CIB4: variants seen among roughly 807,000 people sequenced by gnomAD.
CIB4 encodes the protein calcium and integrin-binding family member 4.
A neutral mutation model predicts 25.8 loss-of-function variants in CIB4; 25 were observed. That is an observed-to-expected ratio of 0.97 (90% CI 0.71 to 1.35). The LOEUF (loss-of-function observed/expected upper bound fraction) is 1.35. Ranked by LOEUF, CIB4 falls within the 40% of genes most tolerant of loss-of-function variation. The pLI, the probability that CIB4 is intolerant of heterozygous loss-of-function variation, is 0.00. For synonymous variants in CIB4, 75 were observed against 81.4 expected (o/e 0.92, Z 0.42); for missense variants, 235 against 228.2 (o/e 1.03, Z -0.19).
chr2:26,608,444 G>A (rs562175974), intron 3 of CIB4, among the ~76,000 whole-genome samples: 2 of 152,226 alleles, frequency 1.3e-5, no homozygotes, highest in African/African-American at 2.4e-5. Flanking sequence ...TAGACTTTCC[G>A]AGTCAGCACC....
intron 3 of CIB4, among the ~76,000 whole-genome samples, chr2:26,600,896 T>C (rs1430745951): frequency 1.3e-5 from 2 of 151,946 alleles, no homozygotes; most frequent in African/African-American, 4.8e-5. Context: ...GCCAAGTTAA[T>C]CCTAAAGAAC....
chr2:26,591,486 C>G (rs1432490470), intron 4 of CIB4, among the ~76,000 whole-genome samples: 1 of 152,206 alleles, frequency 6.6e-6, no homozygotes, highest in Admixed American at 6.5e-5. Context: ...CTTCCTGACT[C>G]TCATCCAGCT....
intron 3 of CIB4, among the ~76,000 whole-genome samples, chr2:26,604,045 C>G (rs564873106): frequency 6.7e-6 from 1 of 148,362 alleles, no homozygotes; most frequent in South Asian, 2.2e-4. Flanking sequence ...AAAACTACAT[C>G]AATGCACAGC....
At chr2:26,592,550 G>T (rs1462013451) in intron 4 of CIB4, among the ~76,000 whole-genome samples, 1 of 151,978 alleles carries the variant, frequency 6.6e-6, no homozygotes, top group Non-Finnish European at 1.5e-5. Context: ...TTCTGCACCG[G>T]TCACTCTCTC....
rs1184325583 is a variant in CIB4 at position 26,589,072 on chromosome 2, C to CTCTTCTTCT, written c.329-5183_329-5175dup. ...CTTCTTCTTCTTCCTCTTCCTCTTC[C>CTCTTCTTCT]TCTTCTTCTTCTTCTTCTTCTTCTT... is the stretch of plus-strand genomic sequence containing the variant. On this transcript the variant is annotated intron_variant, in intron 4 of 6. Coordinates refer to ENST00000288861, the MANE Select transcript of CIB4 (RefSeq NM_001029881.3). Among the ~76,000 whole-genome samples, 4 of 40,796 alleles carry CTCTTCTTCT rather than the reference C, an allele frequency of 9.8e-5. 2 individuals are homozygous for CTCTTCTTCT. Among genetic ancestry groups the CTCTTCTTCT allele is most frequent in the African/African-American group, 5.5e-4 (4 of 7,228 alleles). 26.8% of individuals were successfully genotyped at this position (40,796 alleles called of 152,430 possible). A position where few individuals can be genotyped will look rare whatever the true frequency, so the allele number is the denominator to read the frequency against.
intron 3 of CIB4, among the ~76,000 whole-genome samples, chr2:26,610,209 T>G: frequency 6.6e-6 from 1 of 151,696 alleles, no homozygotes; most frequent in South Asian, 2.1e-4. Context: ...ATGTTCCCTG[T>G]GAACTCTGCA....
rs150739227 is a variant in CIB4 at position 26,615,617 on chromosome 2, C to T, written c.186+13793G>A. The stretch of plus-strand genomic sequence containing the variant: ...CCAACTTCCCAGGCTTTCCTCGCTA[C>T]CTTCCTCACCTGTGGGAGGTGCTAT... On this transcript the variant is annotated intron_variant, in intron 3 of 6. Transcript: ENST00000288861. Among the ~76,000 whole-genome samples the T allele has an allele frequency of 6.5e-3, 997 of 152,320 alleles. 14 individuals are homozygous for T. Among genetic ancestry groups the T allele is most frequent in the African/African-American group, 0.022 (896 of 41,568 alleles).
At chr2:26,615,737 G>T (rs1196552382) in intron 3 of CIB4, among the ~76,000 whole-genome samples, 1 of 152,262 alleles carries the variant, frequency 6.6e-6, no homozygotes, top group Non-Finnish European at 1.5e-5. Flanking sequence ...GAGGCAGGGG[G>T]CCAGAGCCCG....
At chr2:26,630,127 C>T (rs190665308) in intron 2 of CIB4, among the ~76,000 whole-genome samples, 64 of 152,350 alleles carry the variant, frequency 4.2e-4, no homozygotes, top group Admixed American at 4.2e-3. Context: ...AGGATCCCAT[C>T]CCAGTCAAGA....
At chr2:26,622,666 A>G (rs1669227872) in intron 3 of CIB4, among the ~76,000 whole-genome samples, 1 of 152,120 alleles carries the variant, frequency 6.6e-6, no homozygotes, top group African/African-American at 2.4e-5. Context: ...CTCCTGGCAC[A>G]CATGAATAAT....
chr2:26,629,541 G>A (rs1385201397), intron 2 of CIB4, 35 bp from the exon 3 acceptor site: 1 of 1,411,504 alleles, frequency 7.1e-7, no homozygotes, highest in Admixed American at 2.0e-5. Context: ...TGTGGCCGGG[G>A]AAAGGAGGCC....
chr2:26,606,053 A>G (rs1268250786), intron 3 of CIB4, among the ~76,000 whole-genome samples: 1 of 152,034 alleles, frequency 6.6e-6, no homozygotes, highest in Admixed American at 6.6e-5. Context: ...GGCGCGGGGG[A>G]GGGCGAATGA....
rs1184325583 is a variant in CIB4, at chr2:26,589,072, CTCTTCT to C, written c.329-5180_329-5175del. 8.7e-3 allele frequency among the ~76,000 whole-genome samples: 355 copies of C among 40,734 alleles called. 9 individuals are homozygous for C. Among genetic ancestry groups the C allele is most frequent in the Middle Eastern group, 0.014 (1 of 70 alleles). 26.7% of individuals were successfully genotyped at this position (40,734 alleles called of 152,430 possible). ...CTTCTTCTTCTTCCTCTTCCTCTTC[CTCTTCT>C]TCTTCTTCTTCTTCTTCTTCTTCTT... On this transcript the variant is annotated intron_variant, in intron 4 of 6. Coordinates refer to ENST00000288861, the MANE Select transcript of CIB4 (RefSeq NM_001029881.3).
chr2:26,582,953 T>C, intron 5 of CIB4, 40 bp from the exon 6 acceptor site: 1 of 1,385,756 alleles, frequency 7.2e-7, no homozygotes, highest in Non-Finnish European at 1.0e-6. Flanking sequence ...TGGAACCCCA[T>C]GTCAGGCAGT....
chr2:26,589,060 C>CTTCTTCTTCTTCTTCT (rs762556634), intron 4 of CIB4, among the ~76,000 whole-genome samples: 4 of 36,498 alleles, frequency 1.1e-4, no homozygotes, highest in East Asian at 9.7e-4. Context: ...CTTCTTCTTC[C>CTTCTTCTTCTTCTTCT]TCTTCCTCTT....
At chr2:26,624,331 C>A (rs950737893) in intron 3 of CIB4, among the ~76,000 whole-genome samples, 6 of 152,178 alleles carry the variant, frequency 3.9e-5, no homozygotes, top group African/African-American at 1.2e-4. Context: ...CACAGCCGGG[C>A]CCCCACCTCC....
At chr2:26,602,265 T>C (rs1668806725) in intron 3 of CIB4, among the ~76,000 whole-genome samples, 1 of 152,184 alleles carries the variant, frequency 6.6e-6, no homozygotes. Flanking sequence ...CTTTGAAAGG[T>C]GGTGTTTGAC....
chr2:26,630,844 C>G (rs1437126816), intron 2 of CIB4, among the ~76,000 whole-genome samples: 1 of 152,112 alleles, frequency 6.6e-6, no homozygotes, highest in East Asian at 1.9e-4. Flanking sequence ...CCTGCCCTCT[C>G]TCTGTGTTTC....
chr2:26,629,121 C>A (rs1327016081), intron 3 of CIB4, among the ~76,000 whole-genome samples: 1 of 152,200 alleles, frequency 6.6e-6, no homozygotes, highest in Non-Finnish European at 1.5e-5. Flanking sequence ...AGGCCTGGAG[C>A]AGGTCTCATG....
Sources: allele counts gnomAD v4.1 joint callset (sites outside exome capture counted in the v4.1 genomes callset), GRCh38; gene constraint gnomAD v4.1.1; transcripts MANE v1.5; gene names NCBI Gene and HGNC (gene_info 2026-07-23, HGNC 2026-07-21).